SP6: variants seen among roughly 807,000 people sequenced by gnomAD.
SP6 encodes the protein Sp6 transcription factor.
Under a neutral mutation model 23.4 loss-of-function variants are expected in SP6, and 10 were observed. The observed-to-expected ratio is 0.43, with a 90% CI of 0.26 to 0.72. The LOEUF (loss-of-function observed/expected upper bound fraction) is 0.72, where lower values mean the gene tolerates loss of function less well. Ranked by LOEUF, SP6 falls within the 30% of genes least tolerant of loss-of-function variation. The pLI is 0.23. For synonymous variants in SP6, 238 were observed against 238.7 expected (o/e 1.00, Z 0.03); for missense variants, 482 against 523.8 (o/e 0.92, Z 0.78).
the SP6 span, among the ~76,000 whole-genome samples, chr17:47,871,621 CTT>C: frequency 2.0e-4 from 29 of 142,380 alleles, no homozygotes; most frequent in Non-Finnish European, 2.8e-4. Flanking sequence ...CTGTTTCTTT[CTT>C]TTTTTTTTTT....
chr17:47,858,767 CTTT>C (rs36092685), upstream of SP6, among the ~76,000 whole-genome samples: 533 of 92,638 alleles, frequency 5.8e-3, 30 homozygotes, highest in African/African-American at 0.019. Context: ...GATGAAGCAT[CTTT>C]TTTTTTTTTT....
At chr17:47,873,686 G>A in the SP6 span, among the ~76,000 whole-genome samples, 1 of 152,160 alleles carries the variant, frequency 6.6e-6, no homozygotes, top group African/African-American at 2.4e-5. Context: ...TGCTGCCAAG[G>A]GTCCTTGAGC....
the SP6 span, among the ~76,000 whole-genome samples, chr17:47,870,361 A>G: frequency 6.6e-6 from 1 of 151,916 alleles, no homozygotes; most frequent in African/African-American, 2.4e-5. Context: ...TCTAAAAGAG[A>G]TAGCTTTGGA....
In SP6 at chr17:47,848,496, G is replaced by A. The variant is rs1037445028; in HGVS notation, c.-57-10C>T. On this transcript the variant is annotated splice_polypyrimidine_tract_variant and intron_variant, in intron 1 of 1. Transcript: ENST00000536300. The surrounding 1 kb of genome is among the most constrained non-coding windows in gnomAD (Gnocchi z 5.3). ...GCACCTCAGACGGGACCTAAAGGAG[G>A]CGAAGAAGCAGAAAAGTAAGGGAAA... The A allele has an allele frequency of 1.7e-5, 24 of 1,392,308 alleles. No individual in the cohort carries two copies. In the South Asian group the frequency reaches 3.7e-4, roughly 21 times the overall value. 86.2% of individuals were successfully genotyped at this position (1,392,308 alleles called of 1,614,324 possible).
upstream of SP6, among the ~76,000 whole-genome samples, chr17:47,858,092 C>A (rs993309720): frequency 1.3e-5 from 2 of 152,112 alleles, no homozygotes; most frequent in African/African-American, 2.4e-5. Context: ...CTCTCGGTCT[C>A]CCACCTCCTC....
chr17:47,855,107 T>G (rs1011922636), upstream of SP6, among the ~76,000 whole-genome samples: 6 of 152,214 alleles, frequency 3.9e-5, no homozygotes, highest in South Asian at 2.1e-4. Flanking sequence ...CTAATTTTAT[T>G]ATAAATTTCA....
At chr17:47,869,539 C>T in the SP6 span, among the ~76,000 whole-genome samples, 3 of 152,184 alleles carry the variant, frequency 2.0e-5, no homozygotes, top group African/African-American at 7.2e-5. Flanking sequence ...CCTGTCCCTC[C>T]TATTGCAGTT....
the SP6 span, among the ~76,000 whole-genome samples, chr17:47,869,325 A>C: frequency 6.6e-6 from 1 of 152,114 alleles, no homozygotes; most frequent in Non-Finnish European, 1.5e-5. Context: ...ATCCCTTTGG[A>C]GGGGTGTGGT....
chr17:47,873,764 C>A, the SP6 span, among the ~76,000 whole-genome samples: 2 of 152,064 alleles, frequency 1.3e-5, no homozygotes, highest in African/African-American at 4.8e-5. Context: ...TAGGATGAAC[C>A]CCAGCCATTG....
At position 47,848,411 on chromosome 17, in the gene SP6, C is replaced by CGCAGACAGCA. The variant is rs1191044305; in HGVS notation, c.18_19insTGCTGTCTGC (p.Gly7CysfsTer36). 1 of 1,524,652 alleles carries CGCAGACAGCA rather than the reference C, an allele frequency of 6.6e-7. No individual in the cohort carries two copies. Among genetic ancestry groups the CGCAGACAGCA allele is most frequent in the East Asian group, 2.4e-5 (1 of 41,544 alleles). 94.4% of individuals were successfully genotyped at this position (1,524,652 alleles called of 1,614,324 possible). A position where few individuals can be genotyped will look rare whatever the true frequency, so the allele number is the denominator to read the frequency against. ...TCCGTGTGCTGGCTGCCCAGAGAGCCGCAGACAGCGGTTAGCATTGCCGGG... is the reference window on the plus strand; with the variant it reads ...TCCGTGTGCTGGCTGCCCAGAGAGCCGCAGACAGCAGCAGACAGCGGTTAGCATTGCCGGG... On this transcript the variant is annotated frameshift_variant, in exon 2 of 2. Coordinates refer to ENST00000536300, the MANE Select transcript of SP6 (RefSeq NM_001258248.2). LOFTEE classifies it high-confidence loss of function. The surrounding 1 kb of genome is among the most constrained non-coding windows in gnomAD (Gnocchi z 5.3).
the SP6 span, among the ~76,000 whole-genome samples, chr17:47,872,459 G>A: frequency 6.6e-6 from 1 of 152,200 alleles, no homozygotes; most frequent in Non-Finnish European, 1.5e-5. Flanking sequence ...GCTACAGGCC[G>A]GGCGGGGGTG....
At chr17:47,857,142 A>G (rs2034003480), upstream of SP6, among the ~76,000 whole-genome samples, 2 of 152,048 alleles carry the variant, frequency 1.3e-5, no homozygotes, top group Admixed American at 1.3e-4. Flanking sequence ...AATCTTAGGC[A>G]AAATTGGGAG....
At chr17:47,862,979 G>A in the SP6 span, among the ~76,000 whole-genome samples, 3 of 152,384 alleles carry the variant, frequency 2.0e-5, no homozygotes, top group South Asian at 4.1e-4. Flanking sequence ...AAGATAAACA[G>A]GAAGTGCCAA....
At position 47,845,540 on chromosome 17, in the gene SP6, C is replaced by T. The variant is rs926520352; in HGVS notation, c.*1759G>A. 2 of 152,596 alleles carry T rather than the reference C, an allele frequency of 1.3e-5. No individual in the cohort carries two copies. The highest frequency in any genetic ancestry group is 2.9e-5 in the Non-Finnish European group (2 of 68,042). 9.5% of individuals were successfully genotyped at this position (152,596 alleles called of 1,614,324 possible). ...ATTCCCACCCAGATCCCAGCCCCCACTTCCCATATAGCTCCCAGACCTTGG... is the reference window on the plus strand; with the variant it reads ...ATTCCCACCCAGATCCCAGCCCCCATTTCCCATATAGCTCCCAGACCTTGG... On this transcript the variant is annotated 3_prime_UTR_variant, in exon 2 of 2. Coordinates refer to ENST00000536300, the MANE Select transcript of SP6 (RefSeq NM_001258248.2).
At chr17:47,850,014 C>G (rs955627841) in intron 1 of SP6, among the ~76,000 whole-genome samples, 18 of 152,138 alleles carry the variant, frequency 1.2e-4, no homozygotes, top group African/African-American at 4.1e-4. Context: ...ACGGGGGCAC[C>G]TACTCAGGCT....
At chr17:47,853,928 C>G (rs535177167), upstream of SP6, among the ~76,000 whole-genome samples, 4 of 152,314 alleles carry the variant, frequency 2.6e-5, no homozygotes, top group Admixed American at 2.6e-4. Flanking sequence ...TGGTTTCCCA[C>G]TTGCTAAATG....
chr17:47,865,893 C>T, the SP6 span, among the ~76,000 whole-genome samples: 2 of 152,136 alleles, frequency 1.3e-5, no homozygotes, highest in African/African-American at 4.8e-5. Flanking sequence ...TCCCTTCAGA[C>T]CCACAAGAGG....
At position 47,847,005 on chromosome 17, in the gene SP6, G is replaced by C. The variant is rs1854179596; in HGVS notation, c.*294C>G. On this transcript the variant is annotated 3_prime_UTR_variant, in exon 2 of 2. Transcript: ENST00000536300. ...TAGCCTGTCCCCGCCAGCCAGCCGC[G>C]GTACGGGTGTCCCACCCCAACCCCC... 2.0e-5 allele frequency: 8 copies of C among 410,002 alleles called. No homozygotes were observed. In the East Asian group the frequency reaches 2.8e-4, roughly 14 times the overall value. The allele number at this position is 410,002 out of a possible 1,614,324, so 25.4% of individuals were successfully genotyped here. A position where few individuals can be genotyped will look rare whatever the true frequency, so the allele number is the denominator to read the frequency against.
upstream of SP6, among the ~76,000 whole-genome samples, chr17:47,852,319 G>C (rs749645561): frequency 6.6e-6 from 1 of 152,068 alleles, no homozygotes; most frequent in South Asian, 2.1e-4. Flanking sequence ...CAAAGCACCG[G>C]TGGGTAGGGA....
Sources: allele counts gnomAD v4.1 joint callset (sites outside exome capture counted in the v4.1 genomes callset), GRCh38; gene constraint gnomAD v4.1.1; non-coding constraint Gnocchi (gnomAD v3.1); transcripts MANE v1.5; gene names NCBI Gene and HGNC (gene_info 2026-07-23, HGNC 2026-07-21).